EPHA5: variants seen among roughly 807,000 people sequenced by gnomAD.
The protein encoded by EPHA5 is ephrin type-A receptor 5.
EPHA5 carries 60 observed loss-of-function variants against 105.0 expected under a neutral mutation model. The ratio of observed to expected loss-of-function variants is 0.57; its 90% CI spans 0.46 to 0.71. The LOEUF (loss-of-function observed/expected upper bound fraction) is 0.71, where lower values mean the gene tolerates loss of function less well. Ranked by LOEUF, EPHA5 falls within the 30% of genes least tolerant of loss-of-function variation. The pLI, the probability that EPHA5 is intolerant of heterozygous loss-of-function variation, is 0.00. For missense variants in EPHA5, 1,218 were observed against 1,274.7 expected (o/e 0.96, Z 0.68); for synonymous variants, 513 against 449.1 (o/e 1.14, Z -1.80).
At chr4:65,428,800 A>G (rs956050140) in intron 5 of EPHA5, among the ~76,000 whole-genome samples, 6 of 152,038 alleles carry the variant, frequency 3.9e-5, no homozygotes, top group Non-Finnish European at 8.8e-5. Context: ...AGTTGAAATC[A>G]TACACTTTAA....
In EPHA5 at chr4:65,336,047, C is replaced by A. The variant is rs878919973; in HGVS notation, c.2674G>T (p.Asp892Tyr). The change falls in exon 15 of 17, where the codon GAT becomes TAT. Residue 892 changes from aspartate to tyrosine, a missense_variant. By Grantham distance (160) the Asp-to-Tyr change is radical (BLOSUM62 -3). Transcript: ENST00000613740. ...CPAALYQLML[D>Y]CWQKERNSRP... The stretch of plus-strand genomic sequence containing the variant: ...CTATTTCGCTCTTTCTGCCAGCAAT[C>A]CAGCATTAACTGATAGAGAGCAGCA... The A allele has an allele frequency of 5.0e-6, 8 of 1,613,350 alleles. No individual in the cohort carries two copies. In the South Asian group the frequency reaches 8.8e-5, roughly 18 times the overall value.
chr4:65,468,159 A>C (rs1198576675), intron 5 of EPHA5, among the ~76,000 whole-genome samples: 2 of 152,146 alleles, frequency 1.3e-5, no homozygotes, highest in African/African-American at 2.4e-5. Flanking sequence ...GTAGTTACCT[A>C]TCCAACCTGC....
intron 11 of EPHA5, among the ~76,000 whole-genome samples, chr4:65,357,916 A>C (rs1217080661): frequency 6.6e-6 from 1 of 151,414 alleles, no homozygotes; most frequent in Non-Finnish European, 1.5e-5. Flanking sequence ...AATCTCCAAA[A>C]GAGAAGAGAA....
chr4:65,592,693 AAC>A lies in EPHA5; in HGVS notation c.910+8946_910+8947del, dbSNP rs1162830841. On this transcript the variant is annotated intron_variant, in intron 3 of 16. Transcript: ENST00000613740. ...AATTCATATTAGCCACCAAAAGCAA[AAC>A]ACACATGAATTTCAAATGTTACAAC... is the stretch of plus-strand genomic sequence containing the variant. 2.0e-5 allele frequency among the ~76,000 whole-genome samples: 3 copies of A among 152,290 alleles called. No individual in the cohort carries two copies. The East Asian group carries it at 5.8e-4, about 29-fold the overall frequency.
intron 7 of EPHA5, among the ~76,000 whole-genome samples, chr4:65,412,492 TAC>T (rs1297256029): frequency 6.6e-5 from 10 of 152,120 alleles, no homozygotes; most frequent in African/African-American, 2.4e-4. Context: ...CTACAAATAA[TAC>T]ATTCATTCTT....
At chr4:65,567,988 C>G (rs1578443479) in intron 3 of EPHA5, among the ~76,000 whole-genome samples, 1 of 150,834 alleles carries the variant, frequency 6.6e-6, no homozygotes, top group African/African-American at 2.4e-5. Context: ...AATGTTGGTG[C>G]AGAAAAAAAT....
intron 8 of EPHA5, among the ~76,000 whole-genome samples, chr4:65,372,356 T>C (rs949060813): frequency 2.0e-5 from 3 of 151,858 alleles, no homozygotes; most frequent in African/African-American, 4.8e-5. Context: ...AAACTGAACA[T>C]TGATTAAATT....
At chr4:65,364,174 T>C (rs1717623469) in intron 11 of EPHA5, among the ~76,000 whole-genome samples, 2 of 151,642 alleles carry the variant, frequency 1.3e-5, no homozygotes, top group African/African-American at 4.8e-5. Flanking sequence ...GTTTATTTTA[T>C]TCTTTTCCTA....
At chr4:65,560,695 T>C (rs1471541793) in intron 3 of EPHA5, among the ~76,000 whole-genome samples, 1 of 152,060 alleles carries the variant, frequency 6.6e-6, no homozygotes, top group African/African-American at 2.4e-5. Flanking sequence ...AGTTGAGAAA[T>C]GACAAAGGTA....
Position 65,414,389 on chromosome 4 carries a change from C to T in EPHA5, c.1582G>A (p.Glu528Lys), listed in dbSNP as rs77407591. Residue 528 changes from glutamate (E) to lysine (K), a missense_variant, in exon 7 of 17, where the codon GAG becomes AAG. Physicochemically the swap from Glu to Lys is moderately conservative, Grantham distance 56 (BLOSUM62 1). This residue lies in a region of EPHA5 where 971 missense variants were observed against 1,013.5 expected (regional missense o/e 0.96). Coordinates refer to ENST00000613740, the MANE Select transcript of EPHA5 (RefSeq NM_001281766.3). ...TAAACTGAAGCTGGTTTCAAGCCCT[C>T]TGCAGTAATAGTTGTCTCTTTAGAT... is the stretch of plus-strand genomic sequence containing the variant. ...IKSKETTITA[E>K]GLKPASVYVF... 1 of 1,614,002 alleles carries T rather than the reference C, an allele frequency of 6.2e-7. No homozygotes were observed. Among genetic ancestry groups the T allele is most frequent in the East Asian group, 2.2e-5 (1 of 44,836 alleles).
intron 5 of EPHA5, among the ~76,000 whole-genome samples, chr4:65,471,138 C>T (rs969146744): frequency 2.0e-5 from 3 of 152,078 alleles, no homozygotes; most frequent in Non-Finnish European, 2.9e-5. Context: ...GGGGGCTGCC[C>T]GATTTGCAAA....
At chr4:65,399,640 T>C (rs1193415105) in intron 8 of EPHA5, among the ~76,000 whole-genome samples, 6 of 152,254 alleles carry the variant, frequency 3.9e-5, no homozygotes, top group African/African-American at 7.2e-5. Context: ...GTTTTAAGTG[T>C]TTTGTTTATA....
chr4:65,407,099 C>A lies in EPHA5; in HGVS notation c.1688-2620G>T, dbSNP rs1722436299. Among the ~76,000 whole-genome samples, 6 of 152,020 alleles carry A rather than the reference C, an allele frequency of 3.9e-5. No homozygotes were observed. In the South Asian group the frequency reaches 1.0e-3, roughly 26 times the overall value. On this transcript the variant is annotated intron_variant, in intron 7 of 16. Coordinates refer to ENST00000613740, the MANE Select transcript of EPHA5 (RefSeq NM_001281766.3). Reference sequence around the variant, plus strand: ...CTGTTCTCTCAGCCTTCTATGTACTCAAATTAAATATCTAAAATATCATTT... The same window carrying A: ...CTGTTCTCTCAGCCTTCTATGTACTAAAATTAAATATCTAAAATATCATTT...
rs549914252 is a variant in EPHA5 at position 65,351,586 on chromosome 4, G to T, written c.2248C>A (p.Gln750Lys). ...LDTFLKKNDGQFTVIQLVGML... is the reference protein window; with the variant it reads ...LDTFLKKNDGKFTVIQLVGML... ...CCAACAAGCTGAATCACAGTGAACT[G>T]CCCATCGTTTTTCTGTAAAGACAAT... The change falls in exon 13 of 17, where the codon CAG (glutamine) becomes AAG (lysine). Residue 750 changes from glutamine (Q) to lysine (K), a missense_variant. This residue lies in a region of EPHA5 where 971 missense variants were observed against 1,013.5 expected (regional missense o/e 0.96). Transcript: ENST00000613740. 1.2e-6 allele frequency: 2 copies of T among 1,613,252 alleles called. No homozygotes were observed. Among genetic ancestry groups the T allele is most frequent in the Admixed American group, 1.7e-5 (1 of 59,884 alleles).
chr4:65,559,914 T>C (rs1015330367), intron 3 of EPHA5, among the ~76,000 whole-genome samples: 10 of 152,224 alleles, frequency 6.6e-5, no homozygotes, highest in Non-Finnish European at 1.5e-4. Flanking sequence ...ATATTAGTTT[T>C]ACAATTTCTT....
chr4:65,604,874 T>A (rs1001275935), intron 2 of EPHA5, among the ~76,000 whole-genome samples: 6 of 152,178 alleles, frequency 3.9e-5, no homozygotes, highest in African/African-American at 1.4e-4. Flanking sequence ...GGAATCAATA[T>A]TTTCTGTTCA....
chr4:65,635,151 TCA>T (rs34578488), intron 2 of EPHA5, among the ~76,000 whole-genome samples: 86,422 of 151,446 alleles, frequency 0.57, 24,802 homozygotes, highest in Middle Eastern at 0.68. Context: ...ACAAAGGTTC[TCA>T]GTCTCAAAGA....
chr4:65,375,605 G>A (rs1428018550), intron 8 of EPHA5, among the ~76,000 whole-genome samples: 1 of 151,880 alleles, frequency 6.6e-6, no homozygotes, highest in Non-Finnish European at 1.5e-5. Context: ...TTCCATTGAA[G>A]CATTTTTGAG....
intron 5 of EPHA5, among the ~76,000 whole-genome samples, chr4:65,428,711 T>C (rs989012948): frequency 1.3e-5 from 2 of 152,054 alleles, no homozygotes; most frequent in Non-Finnish European, 2.9e-5. Context: ...TCACAAAATA[T>C]TAAAAATTAG....
Sources: allele counts gnomAD v4.1 joint callset (sites outside exome capture counted in the v4.1 genomes callset), GRCh38; gene constraint gnomAD v4.1.1; regional missense constraint gnomAD v4.1.1; transcripts MANE v1.5; gene names NCBI Gene and HGNC (gene_info 2026-07-23, HGNC 2026-07-21).